KALRN: variants seen among roughly 807,000 people sequenced by gnomAD.
KALRN encodes the protein kalirin RhoGEF kinase.
In KALRN, 70 loss-of-function variants were observed where a neutral mutation model predicts 353.7. The observed-to-expected ratio is 0.20, with a 90% CI of 0.16 to 0.24. The LOEUF (loss-of-function observed/expected upper bound fraction) is 0.24, where lower values mean the gene tolerates loss of function less well. Ranked by LOEUF, KALRN falls within the 10% of genes least tolerant of loss-of-function variation. KALRN has a pLI of 1.00. For missense variants in KALRN, 2,791 were observed against 3,756.7 expected, an observed-to-expected ratio of 0.74 and a Z score of 6.72; for synonymous variants, 1,391 against 1,434.8, an observed-to-expected ratio of 0.97 and a Z score of 0.69.
At chr3:124,570,317 C>G (rs1428588034) in intron 34 of KALRN, among the ~76,000 whole-genome samples, 2 of 152,200 alleles carry the variant, frequency 1.3e-5, no homozygotes, top group African/African-American at 2.4e-5. Flanking sequence ...CTACAGTCCT[C>G]AATTGCAGGA....
chr3:124,372,100 C>T (rs1424254020), intron 10 of KALRN, among the ~76,000 whole-genome samples: 1 of 152,210 alleles, frequency 6.6e-6, no homozygotes, highest in Non-Finnish European at 1.5e-5. Flanking sequence ...CCAGTTCCAT[C>T]CACGTTTTTG....
In KALRN at chr3:124,723,498, A is replaced by G. The variant is rs1275456436; in HGVS notation, c.*4028A>G. On this transcript the variant is annotated 3_prime_UTR_variant, in exon 60 of 60. Coordinates refer to ENST00000682506, the MANE Select transcript of KALRN (RefSeq NM_001388419.1). The stretch of plus-strand genomic sequence containing the variant: ...ATCTATAAAATACTTTGATTTTTTT[A>G]AGTGCTACACACTGCCAGTGCTAAG... 6.6e-6 allele frequency: 1 copy of G among 152,196 alleles called. No individual in the cohort carries two copies. The highest frequency in any genetic ancestry group is 2.4e-5 in the African/African-American group (1 of 41,450). The allele number at this position is 152,196 out of a possible 1,614,324, so 9.4% of individuals were successfully genotyped here. A position where few individuals can be genotyped will look rare whatever the true frequency, so the allele number is the denominator to read the frequency against.
rs370568654 is a variant in KALRN, at chr3:124,699,839, C to T, written c.7832-30C>T. 5.6e-6 allele frequency: 9 copies of T among 1,611,204 alleles called. No homozygotes were observed. The African/African-American group carries it at 1.1e-4, about 19-fold the overall frequency. ...GAAACAATATCCCTTTGGCTTTTCT[C>T]TTTCCCTCTCCTGGGAAACTGTACA... On this transcript the variant is annotated intron_variant, in intron 55 of 59. Transcript: ENST00000682506.
At chr3:124,172,391 A>G (rs1025428165) in intron 1 of KALRN, among the ~76,000 whole-genome samples, 1 of 152,236 alleles carries the variant, frequency 6.6e-6, no homozygotes, top group Non-Finnish European at 1.5e-5. Flanking sequence ...TAAGAAAACC[A>G]GCCAGAAAGT....
intron 34 of KALRN, among the ~76,000 whole-genome samples, chr3:124,563,495 G>C (rs910822132): frequency 6.6e-6 from 1 of 152,070 alleles, no homozygotes; most frequent in Non-Finnish European, 1.5e-5. Flanking sequence ...TCTGACCCCC[G>C]ACCAAGTACT....
At chr3:124,371,572 C>A (rs909310455) in intron 10 of KALRN, among the ~76,000 whole-genome samples, 8 of 152,184 alleles carry the variant, frequency 5.3e-5, no homozygotes, top group African/African-American at 1.9e-4. Context: ...CACCTTTCTT[C>A]TTACAAAAAT....
At chr3:124,575,434 A>C (rs78365741) in intron 34 of KALRN, among the ~76,000 whole-genome samples, 7,600 of 152,292 alleles carry the variant, frequency 0.05, 230 homozygotes, top group Middle Eastern at 0.078. Flanking sequence ...GACTGCAAAG[A>C]GGCTCCACAA....
intron 1 of KALRN, among the ~76,000 whole-genome samples, chr3:124,151,442 T>G (rs2068091365): frequency 6.6e-6 from 1 of 152,238 alleles, no homozygotes; most frequent in African/African-American, 2.4e-5. Context: ...CCTTGATGGC[T>G]AATGAAGTCT....
intron 6 of KALRN, among the ~76,000 whole-genome samples, chr3:124,305,964 T>A (rs762534560): frequency 1.3e-5 from 2 of 152,156 alleles, no homozygotes; most frequent in Non-Finnish European, 2.9e-5. Flanking sequence ...TACAAAGACC[T>A]TAAAATTGCT....
intron 1 of KALRN, among the ~76,000 whole-genome samples, chr3:124,052,003 A>G (rs1043782144): frequency 2.0e-5 from 3 of 152,162 alleles, no homozygotes; most frequent in South Asian, 2.1e-4. Flanking sequence ...TCCATCTACA[A>G]TATTATGAAC....
At chr3:124,603,784 C>T (rs527444751) in intron 34 of KALRN, among the ~76,000 whole-genome samples, 3 of 152,252 alleles carry the variant, frequency 2.0e-5, no homozygotes, top group Admixed American at 6.5e-5. Context: ...AAGGTTGCCT[C>T]ATTTTGACTT....
chr3:124,056,587 C>T (rs991336320), intron 1 of KALRN, among the ~76,000 whole-genome samples: 3 of 152,168 alleles, frequency 2.0e-5, no homozygotes, highest in Non-Finnish European at 2.9e-5. Context: ...AGAAAGTCTT[C>T]CTTTGCTTAT....
At chr3:124,144,010 G>A (rs2066968843) in intron 1 of KALRN, among the ~76,000 whole-genome samples, 1 of 152,110 alleles carries the variant, frequency 6.6e-6, no homozygotes, top group African/African-American at 2.4e-5. Flanking sequence ...CCTAACATAT[G>A]TACCTTTTTT....
At chr3:124,605,756 G>T (rs1442176687) in intron 34 of KALRN, among the ~76,000 whole-genome samples, 3 of 152,112 alleles carry the variant, frequency 2.0e-5, no homozygotes, top group African/African-American at 7.2e-5. Flanking sequence ...GGGTTTTGGT[G>T]TCATATATCT....
chr3:124,678,130 G>C, intron 49 of KALRN, 60 bp from the exon 50 acceptor site: 1 of 1,590,298 alleles, frequency 6.3e-7, no homozygotes, highest in Non-Finnish European at 8.6e-7. Flanking sequence ...TGGTGAGCCC[G>C]CCCTCCACAT....
rs1553889408 is a variant in KALRN at position 124,278,458 on chromosome 3, G to GGGGTGTGTGT, written c.969+9204_969+9205insGGTGTGTGTG. On this transcript the variant is annotated intron_variant, in intron 5 of 59. Transcript: ENST00000682506. ...TGTTTGAAGAATGAAGGACACTTCA[G>GGGGTGTGTGT]GTGTGTGTGTGTGTGTGTGTGTGTG... 4.8e-5 allele frequency among the ~76,000 whole-genome samples: 7 copies of GGGGTGTGTGT among 145,502 alleles called. No homozygotes were observed. The East Asian group carries it at 1.3e-3, about 27-fold the overall frequency.
intron 3 of KALRN, among the ~76,000 whole-genome samples, chr3:124,257,044 T>C (rs1035268901): frequency 2.6e-5 from 4 of 152,336 alleles, no homozygotes; most frequent in African/African-American, 9.6e-5. Context: ...ATTCTTGCAA[T>C]AAATGACTCC....
chr3:124,456,868 G>T, intron 23 of KALRN, 140 bp downstream of exon 23: 1 of 560,506 alleles, frequency 1.8e-6, no homozygotes, highest in Non-Finnish European at 3.3e-6. Context: ...TGTTTGCATT[G>T]AGAATATGGG....
intron 34 of KALRN, among the ~76,000 whole-genome samples, chr3:124,618,443 TGC>T (rs2078898792): frequency 1.3e-5 from 2 of 152,156 alleles, no homozygotes; most frequent in African/African-American, 2.4e-5. Context: ...ATGAAAAGTC[TGC>T]TGGTAGGAGA....
Sources: allele counts gnomAD v4.1 joint callset (sites outside exome capture counted in the v4.1 genomes callset), GRCh38; gene constraint gnomAD v4.1.1; transcripts MANE v1.5; gene names NCBI Gene and HGNC (gene_info 2026-07-23, HGNC 2026-07-21).